Variants in HAUS6 observed in about 807,000 individuals in gnomAD.
The protein encoded by HAUS6 is HAUS augmin-like complex subunit 6.
A neutral mutation model predicts 106.8 loss-of-function variants in HAUS6; 80 were observed. That is an observed-to-expected ratio of 0.75 (90% confidence interval 0.63 to 0.90). HAUS6 has a LOEUF of 0.90. Ranked by LOEUF, HAUS6 falls within the 40% of genes least tolerant of loss-of-function variation. The pLI is 0.00. For synonymous variants in HAUS6, 356 were observed against 379.1 expected (o/e 0.94, Z 0.71); for missense variants, 1,155 against 1,118.1 (o/e 1.03, Z -0.47).
chr9:19,073,642 C>CA (rs1169227581), intron 11 of HAUS6, among the ~76,000 whole-genome samples: 174 of 82,482 alleles, frequency 2.1e-3, no homozygotes, highest in Admixed American at 6.0e-3. Context: ...AGTGGATCTC[C>CA]AAAAAAAAAA....
intron 5 of HAUS6, 26 bp downstream of exon 5, chr9:19,089,386 T>G: frequency 6.8e-7 from 1 of 1,479,310 alleles, no homozygotes; most frequent in Non-Finnish European, 9.4e-7. Context: ...AAGAAATTAT[T>G]TTCTAACTAT....
At chr9:19,091,952 A>G (rs546150935) in intron 4 of HAUS6, among the ~76,000 whole-genome samples, 5 of 151,976 alleles carry the variant, frequency 3.3e-5, no homozygotes, top group Non-Finnish European at 7.4e-5. Context: ...ATGAGCCACC[A>G]CACTCAGCCA....
intron 6 of HAUS6, 60 bp from the exon 7 acceptor site, chr9:19,086,842 C>A (rs1837307538): frequency 2.7e-6 from 2 of 752,210 alleles, no homozygotes; most frequent in Non-Finnish European, 4.5e-6. Flanking sequence ...ATTTAATATC[C>A]AAAGAGCTAA....
At chr9:19,078,367 G>C (rs555720438) in intron 9 of HAUS6, 65 bp from the exon 10 acceptor site, 6 of 914,478 alleles carry the variant, frequency 6.6e-6, no homozygotes, top group Non-Finnish European at 1.0e-5. Flanking sequence ...TAAAATTTAA[G>C]AAAATAACAA....
chr9:19,091,215 G>C (rs1303217001), intron 4 of HAUS6, among the ~76,000 whole-genome samples: 1 of 151,882 alleles, frequency 6.6e-6, no homozygotes, highest in Non-Finnish European at 1.5e-5. Flanking sequence ...CAGTAGAATC[G>C]CTTGAACCCG....
At position 19,057,991 on chromosome 9, in the gene HAUS6, A is replaced by G. The variant is rs1182125021; in HGVS notation, c.2776T>C (p.Cys926Arg). ...AAATTAGGTAGTTCTCCAAGACTAC[A>G]TGCTATTGTGGTTCTCAATCTTTGT... is the stretch of plus-strand genomic sequence containing the variant. ...VEQRLRTTIA[C>R]SLGELPNLKE... is the part of the protein sequence containing the mutation. Residue 926 changes from cysteine to arginine, a missense_variant, in exon 16 of 17, where the codon TGT (cysteine) becomes CGT (arginine). By Grantham distance (180) the Cys-to-Arg change is radical. Transcript: ENST00000380502. 22 of 1,609,512 alleles carry G rather than the reference A, an allele frequency of 1.4e-5. No homozygotes were observed. Among genetic ancestry groups the G allele is most frequent in the Admixed American group, 6.7e-5 (4 of 59,890 alleles).
chr9:19,095,013 A>G (rs995573209), intron 2 of HAUS6, among the ~76,000 whole-genome samples: 2 of 152,144 alleles, frequency 1.3e-5, no homozygotes, highest in African/African-American at 4.8e-5. Context: ...GGACTAGTGC[A>G]TAAAGACAAT....
chr9:19,101,553 G>A (rs1260291141), intron 1 of HAUS6, among the ~76,000 whole-genome samples: 2 of 152,038 alleles, frequency 1.3e-5, no homozygotes, highest in Non-Finnish European at 2.9e-5. Context: ...GAAGCAGGAG[G>A]ATTGCTTGAG....
rs773167853 is a variant in HAUS6, at chr9:19,076,670, G to A, written c.1226C>T (p.Ser409Leu). The A allele has an allele frequency of 1.5e-5, 23 of 1,582,502 alleles. No homozygotes were observed. In the East Asian group the frequency reaches 4.0e-4, roughly 28 times the overall value. Residue 409 changes from serine (S) to leucine (L), a missense_variant, in exon 11 of 17, where the codon TCG becomes TTG. Physicochemically the swap from Ser to Leu is moderately radical, Grantham distance 145 (BLOSUM62 -2). Transcript: ENST00000380502. ...VDLLPPMSPL[S>L]FDPASEEVYA... ...CACTTCTTCTGAGGCAGGATCAAACGAAAGGGGAGACATTGGTGGTAAAAG... is the reference window on the plus strand; with the variant it reads ...CACTTCTTCTGAGGCAGGATCAAACAAAAGGGGAGACATTGGTGGTAAAAG...
intron 14 of HAUS6, among the ~76,000 whole-genome samples, chr9:19,060,518 G>A (rs1432996612): frequency 6.6e-6 from 1 of 152,232 alleles, no homozygotes; most frequent in Non-Finnish European, 1.5e-5. Flanking sequence ...AGTTCCAGTT[G>A]TGCAGTGACC....
intron 11 of HAUS6, among the ~76,000 whole-genome samples, chr9:19,074,925 A>C (rs1363296279): frequency 6.6e-6 from 1 of 152,242 alleles, no homozygotes; most frequent in African/African-American, 2.4e-5. Context: ...GCTTCCACAA[A>C]AAACCTGTAC....
chr9:19,099,767 T>C (rs779022017), intron 1 of HAUS6, among the ~76,000 whole-genome samples: 139 of 152,320 alleles, frequency 9.1e-4, no homozygotes, highest in Non-Finnish European at 1.1e-3. Context: ...AAAGTAACTT[T>C]GGCAGGGTGC....
intron 1 of HAUS6, among the ~76,000 whole-genome samples, chr9:19,098,729 T>TA (rs77208190): frequency 0.82 from 124,792 of 151,732 alleles, 51,422 homozygotes; most frequent in Middle Eastern, 0.85. Flanking sequence ...GTTTAACATT[T>TA]AAAAAAAGTG....
rs1836526626 is a variant in HAUS6, at chr9:19,058,330, G to A, written c.2437C>T (p.Leu813=). Residue 813 remains leucine, a synonymous_variant, in exon 16 of 17, where the codon CTA becomes TTA. Transcript: ENST00000380502. ...TGTCTCCCTCCCACAACATCTTCTAGAAGAGTGCCACCATGCATAGGACTA... is the reference window on the plus strand; with the variant it reads ...TGTCTCCCTCCCACAACATCTTCTAAAAGAGTGCCACCATGCATAGGACTA... ...PNSPMHGGTL[L]EDVVGGRQTT... 2 of 1,613,680 alleles carry A rather than the reference G, an allele frequency of 1.2e-6. No individual in the cohort carries two copies. The highest frequency in any genetic ancestry group is 2.2e-5 in the South Asian group (2 of 91,078).
intron 12 of HAUS6, among the ~76,000 whole-genome samples, chr9:19,066,164 G>A (rs931920181): frequency 3.3e-5 from 5 of 151,960 alleles, no homozygotes; most frequent in Non-Finnish European, 7.4e-5. Flanking sequence ...TCAAACTCCT[G>A]ACCTCAGGTG....
intron 11 of HAUS6, among the ~76,000 whole-genome samples, chr9:19,075,728 C>G (rs572577419): frequency 3.6e-4 from 55 of 151,188 alleles, no homozygotes; most frequent in Admixed American, 3.6e-3. Context: ...CCAAGGCGGG[C>G]GGATCATTCG....
rs368241299 is a variant in HAUS6, at chr9:19,064,299, T to C, written c.1377-719A>G. The stretch of plus-strand genomic sequence containing the variant: ...CTTATTTTTAAGATTCTCTTGATAC[T>C]TCATATCCAAAATCAATTTCTCATA... On this transcript the variant is annotated intron_variant, in intron 12 of 16. Coordinates refer to ENST00000380502, the MANE Select transcript of HAUS6 (RefSeq NM_017645.5). Among the ~76,000 whole-genome samples the C allele has an allele frequency of 2.6e-4, 40 of 152,280 alleles. No homozygotes were observed. In the East Asian group the frequency reaches 6.9e-3, roughly 26 times the overall value.
intron 8 of HAUS6, among the ~76,000 whole-genome samples, chr9:19,081,447 A>G (rs1429449316): frequency 6.8e-6 from 1 of 147,948 alleles, no homozygotes; most frequent in Non-Finnish European, 1.5e-5. Context: ...TTTAATTTTA[A>G]TTTTTTTTTT....
In HAUS6 at chr9:19,054,382, GGA is replaced by G. The variant is rs1370575085; in HGVS notation, c.*1959_*1960del. 1 of 152,166 alleles carries G rather than the reference GGA, an allele frequency of 6.6e-6. No individual in the cohort carries two copies. Among genetic ancestry groups the G allele is most frequent in the Admixed American group, 6.5e-5 (1 of 15,272 alleles). 9.4% of individuals were successfully genotyped at this position (152,166 alleles called of 1,614,324 possible). A position where few individuals can be genotyped will look rare whatever the true frequency, so the allele number is the denominator to read the frequency against. On this transcript the variant is annotated 3_prime_UTR_variant, in exon 17 of 17. Coordinates refer to ENST00000380502, the MANE Select transcript of HAUS6 (RefSeq NM_017645.5). Reference sequence around the variant, plus strand: ...CTTAAGATCAAAAGGTAACTATGTAGGAGATACTGGATAGGGAAAAGGCTGAA... The same window carrying G: ...CTTAAGATCAAAAGGTAACTATGTAGGATACTGGATAGGGAAAAGGCTGAA...
Sources: allele counts gnomAD v4.1 joint callset (sites outside exome capture counted in the v4.1 genomes callset), GRCh38; gene constraint gnomAD v4.1.1; transcripts MANE v1.5; gene names NCBI Gene and HGNC (gene_info 2026-07-23, HGNC 2026-07-21).